Variants in CDH23 observed in about 807,000 individuals in gnomAD.
The protein encoded by CDH23 is cadherin related 23, also known as cadherin-23.
CDH23 carries 189 observed loss-of-function variants against 317.1 expected under a neutral mutation model. The ratio of observed to expected loss-of-function variants is 0.60; its 90% CI spans 0.53 to 0.67. The LOEUF is 0.67. CDH23 is among the 30% of genes least tolerant of loss of function. CDH23 has a pLI of 0.00. For synonymous variants in CDH23, 1,839 were observed against 1,876.8 expected (o/e 0.98, Z 0.52); for missense variants, 4,401 against 4,592.4 (o/e 0.96, Z 1.20).
At chr10:71,769,331 A>C (rs1038332675) in intron 38 of CDH23, among the ~76,000 whole-genome samples, 1 of 152,066 alleles carries the variant, frequency 6.6e-6, no homozygotes, top group Non-Finnish European at 1.5e-5. Flanking sequence ...AAAGTTTCCA[A>C]CTAGAATTCA....
At chr10:71,728,793 T>C (rs977095397) in intron 30 of CDH23, among the ~76,000 whole-genome samples, 1 of 152,252 alleles carries the variant, frequency 6.6e-6, no homozygotes, top group South Asian at 2.1e-4. Context: ...AGCTAAAAAC[T>C]CCTGGGCTCC....
chr10:71,627,584 A>C (rs1442136376), intron 11 of CDH23, among the ~76,000 whole-genome samples: 1 of 152,202 alleles, frequency 6.6e-6, no homozygotes, highest in Non-Finnish European at 1.5e-5. Context: ...GGTGTGAGGC[A>C]GGGCCTGTGT....
chr10:71,492,516 G>A (rs987991594), intron 3 of CDH23, among the ~76,000 whole-genome samples: 6 of 152,180 alleles, frequency 3.9e-5, no homozygotes, highest in African/African-American at 1.2e-4. Flanking sequence ...ACAGCAGGAC[G>A]CTCCTTGGGA....
At chr10:71,729,770 G>T (rs1320901813) in intron 30 of CDH23, among the ~76,000 whole-genome samples, 4 of 152,052 alleles carry the variant, frequency 2.6e-5, no homozygotes, top group African/African-American at 9.7e-5. Context: ...ACTTTTGCAG[G>T]CCCTGGCTCA....
At chr10:71,706,346 A>G (rs910635799) in intron 25 of CDH23, among the ~76,000 whole-genome samples, 1 of 152,134 alleles carries the variant, frequency 6.6e-6, no homozygotes, top group African/African-American at 2.4e-5. Flanking sequence ...TGCTGAGGGT[A>G]GACCTTGAGG....
At position 71,682,586 on chromosome 10, in the gene CDH23, G is replaced by T; in HGVS notation, c.1986+14G>T. The T allele has an allele frequency of 6.2e-7, 1 of 1,612,064 alleles. No individual in the cohort carries two copies. The highest frequency in any genetic ancestry group is 1.1e-5 in the South Asian group (1 of 90,474). ...ATCGAGGTGTTTGTAAGTACCCAGG[G>T]CCACTGGCCTTGCCCTGCTAGTGTA... On this transcript the variant is annotated intron_variant, in intron 18 of 69. Transcript: ENST00000224721.
Position 71,803,330 on chromosome 10 carries a change from C to A in CDH23, c.7782C>A (p.Thr2594=). Reference sequence around the variant, plus strand: ...GTGGAGAGCCCCCACTCTGGGGCACCACCATGCTCCTGGTGGAGGTCATCG... The same window carrying A: ...GTGGAGAGCCCCCACTCTGGGGCACAACCATGCTCCTGGTGGAGGTCATCG... ...TDGGEPPLWG[T]TMLLVEVIDV... Residue 2594 remains threonine, a synonymous_variant, in exon 55 of 70, where the codon ACC becomes ACA. Coordinates refer to ENST00000224721, the MANE Select transcript of CDH23 (RefSeq NM_022124.6). The A allele has an allele frequency of 6.3e-7, 1 of 1,595,490 alleles. No homozygotes were observed. The highest frequency in any genetic ancestry group is 2.3e-5 in the East Asian group (1 of 43,536).
chr10:71,780,279 G>T (rs1840917394), intron 41 of CDH23, among the ~76,000 whole-genome samples: 1 of 152,240 alleles, frequency 6.6e-6, no homozygotes, highest in Non-Finnish European at 1.5e-5. Flanking sequence ...GTACGTTCCA[G>T]TTGGAGGACA....
At chr10:71,778,396 G>A (rs1020987632) in intron 40 of CDH23, 88 bp downstream of exon 40, 1 of 1,535,968 alleles carries the variant, frequency 6.5e-7, no homozygotes. Context: ...AGGGGTTAGG[G>A]GAAGATTGTC....
At chr10:71,469,463 A>T (rs540256891) in intron 3 of CDH23, among the ~76,000 whole-genome samples, 2 of 152,356 alleles carry the variant, frequency 1.3e-5, no homozygotes, top group South Asian at 4.1e-4. Flanking sequence ...TATTGTGTAT[A>T]ACCACAGTTT....
At chr10:71,661,249 C>A (rs951988886) in intron 14 of CDH23, among the ~76,000 whole-genome samples, 3 of 152,128 alleles carry the variant, frequency 2.0e-5, no homozygotes, top group African/African-American at 7.2e-5. Flanking sequence ...TACAAGCTGA[C>A]CCAGGCCCAG....
chr10:71,653,964 C>G (rs1253587755), intron 14 of CDH23, among the ~76,000 whole-genome samples: 2 of 152,196 alleles, frequency 1.3e-5, no homozygotes, highest in Non-Finnish European at 2.9e-5. Context: ...CCTAGATTTT[C>G]TGCCTTTGGC....
chr10:71,813,270 G>A lies in CDH23; in HGVS notation c.9660G>A (p.Glu3220=). The A allele has an allele frequency of 6.4e-7, 1 of 1,551,666 alleles. No individual in the cohort carries two copies. Among genetic ancestry groups the A allele is most frequent in the South Asian group, 1.2e-5 (1 of 84,064 alleles). Reference sequence around the variant, plus strand: ...GCTCGCTGCTGAAGGTGGTCCTGGAGGATTACCTGCGGCTCAAAAAGCTCT... The same window carrying A: ...GCTCGCTGCTGAAGGTGGTCCTGGAAGATTACCTGCGGCTCAAAAAGCTCT... ...IKGSLLKVVL[E]DYLRLKKLFA... Residue 3220 remains glutamate, a synonymous_variant, in exon 69 of 70, where the codon GAG becomes GAA. Coordinates refer to ENST00000224721, the MANE Select transcript of CDH23 (RefSeq NM_022124.6).
At chr10:71,627,491 A>G (rs371842411) in intron 11 of CDH23, among the ~76,000 whole-genome samples, 1 of 152,178 alleles carries the variant, frequency 6.6e-6, no homozygotes, top group Non-Finnish European at 1.5e-5. Context: ...GGCCTCTGCC[A>G]TGAGTCAGAC....
At chr10:71,621,361 A>G (rs959145053) in intron 11 of CDH23, among the ~76,000 whole-genome samples, 1 of 152,228 alleles carries the variant, frequency 6.6e-6, no homozygotes, top group African/African-American at 2.4e-5. Context: ...TGACTCTCAC[A>G]TGCCCACGAT....
chr10:71,794,871 G>A (rs1032457857), intron 48 of CDH23, among the ~76,000 whole-genome samples: 1 of 152,204 alleles, frequency 6.6e-6, no homozygotes, highest in Non-Finnish European at 1.5e-5. Flanking sequence ...AGTGTTATTG[G>A]TGATGGTGGA....
intron 6 of CDH23, among the ~76,000 whole-genome samples, chr10:71,538,202 G>T (rs745955374): frequency 2.6e-5 from 4 of 152,200 alleles, no homozygotes; most frequent in Non-Finnish European, 4.4e-5. Flanking sequence ...AGTGATCAAT[G>T]AGTTCATTTC....
At chr10:71,671,576 T>C (rs1864147213) in intron 14 of CDH23, among the ~76,000 whole-genome samples, 1 of 152,106 alleles carries the variant, frequency 6.6e-6, no homozygotes, top group African/African-American at 2.4e-5. Context: ...AAGTCTTGCT[T>C]GGGAGGAGGT....
Position 71,501,325 on chromosome 10 carries a change from C to G in CDH23, c.146-8757C>G, listed in dbSNP as rs573612293. Among the ~76,000 whole-genome samples, 11 of 152,356 alleles carry G rather than the reference C, an allele frequency of 7.2e-5. No individual in the cohort carries two copies. In the East Asian group the frequency reaches 2.1e-3, roughly 29 times the overall value. On this transcript the variant is annotated intron_variant, in intron 3 of 69. Coordinates refer to ENST00000224721, the MANE Select transcript of CDH23 (RefSeq NM_022124.6). ...AAACAGAATGCTGGTTTCCTTTCCC[C>G]CTGACAGTTCATGCCGTCCCCTCCA...
Sources: allele counts gnomAD v4.1 joint callset (sites outside exome capture counted in the v4.1 genomes callset), GRCh38; gene constraint gnomAD v4.1.1; transcripts MANE v1.5; gene names NCBI Gene and HGNC (gene_info 2026-07-23, HGNC 2026-07-21).